The following ACTL6B variants were observed in gnomAD, a reference collection of about 807,000 sequenced individuals.
ACTL6B encodes the protein actin like 6B.
A neutral mutation model predicts 63.3 loss-of-function variants in ACTL6B; 48 were observed. That is an observed-to-expected ratio of 0.76 (90% CI 0.60 to 0.96). ACTL6B has a LOEUF of 0.96. ACTL6B is among the 50% of genes least tolerant of loss of function. The pLI is 0.00. For synonymous variants in ACTL6B, 230 were observed against 223.8 expected (o/e 1.03, Z -0.25); for missense variants, 350 against 572.2 (o/e 0.61, Z 3.96).
In ACTL6B at chr7:100,646,250, A is replaced by G; in HGVS notation, c.1199T>C (p.Leu400Pro). 1 of 1,613,784 alleles carries G rather than the reference A, an allele frequency of 6.2e-7. No homozygotes were observed. The highest frequency in any genetic ancestry group is 8.5e-7 in the Non-Finnish European group (1 of 1,179,842). The change falls in exon 13 of 14, where the codon CTG becomes CCG. Residue 400 changes from leucine (L) to proline (P), a missense_variant and splice_region_variant. Leu to Pro is a moderately conservative substitution (Grantham distance 98). Transcript: ENST00000160382. The surrounding 1 kb of genome is among the most constrained non-coding windows in gnomAD (Gnocchi z 6.1). ...PWIGGSILAS[L>P]GTFQQMWISK... Reference sequence around the variant, plus strand: ...TAGGCCAGGTCCCTTTCCTCTCACCAGTGAGGCCAGGATGGAACCCCCGAT... The same window carrying G: ...TAGGCCAGGTCCCTTTCCTCTCACCGGTGAGGCCAGGATGGAACCCCCGAT...
At position 100,648,679 on chromosome 7, in the gene ACTL6B, G is replaced by C; in HGVS notation, c.563-17C>G. On this transcript the variant is annotated splice_polypyrimidine_tract_variant and intron_variant, in intron 6 of 13. Coordinates refer to ENST00000160382, the MANE Select transcript of ACTL6B (RefSeq NM_016188.5). The surrounding 1 kb of genome is among the most constrained non-coding windows in gnomAD (Gnocchi z 4.4). ...TGACGATGCCTAGAAGGAAGGCACT[G>C]TCAGGACCTGGTCCTCCTGGAGCAC... 5.6e-6 allele frequency: 9 copies of C among 1,613,134 alleles called. No homozygotes were observed. Among genetic ancestry groups the C allele is most frequent in the Non-Finnish European group, 7.6e-6 (9 of 1,179,418 alleles).
Position 100,647,125 on chromosome 7 carries a change from G to GA in ACTL6B, c.822-41dup. On this transcript the variant is annotated intron_variant, in intron 9 of 13. Transcript: ENST00000160382. This position sits in a 1 kb window ranked among gnomAD's most constrained non-coding sequence, Gnocchi z 4.4. ...GCAGGACTCTGCCTGGGGTGCTCAA[G>GA]AAGGATCAGTGCGTGGGCAGCACCA... The GA allele has an allele frequency of 6.2e-7, 1 of 1,612,322 alleles. No homozygotes were observed. The highest frequency in any genetic ancestry group is 1.7e-4 in the Middle Eastern group (1 of 6,060).
intron 4 of ACTL6B, among the ~76,000 whole-genome samples, chr7:100,652,181 G>A (rs530383647): frequency 1.5e-4 from 23 of 152,150 alleles, no homozygotes; most frequent in Non-Finnish European, 2.8e-4. Flanking sequence ...GGCGGATCGC[G>A]AGGTCAGGAG....
At chr7:100,645,023 T>A (rs774943184) in intron 13 of ACTL6B, among the ~76,000 whole-genome samples, 9 of 151,972 alleles carry the variant, frequency 5.9e-5, no homozygotes, top group Non-Finnish European at 1.2e-4. Context: ...TCCACTGCAC[T>A]CCAGCCTGGG....
In ACTL6B at chr7:100,643,176, G is replaced by T. The variant is rs548491342; in HGVS notation, c.*70C>A. The T allele has an allele frequency of 6.5e-5, 89 of 1,363,656 alleles. 1 individual carries two copies. The South Asian group carries it at 9.7e-4, about 15-fold the overall frequency. 84.5% of individuals were successfully genotyped at this position (1,363,656 alleles called of 1,614,324 possible). A position where few individuals can be genotyped will look rare whatever the true frequency, so the allele number is the denominator to read the frequency against. Reference sequence around the variant, plus strand: ...GAGGACAAGAGGGAAAGGAGGAGGGGGGCAATGTGGCATGGGGGTTAAGGG... The same window carrying T: ...GAGGACAAGAGGGAAAGGAGGAGGGTGGCAATGTGGCATGGGGGTTAAGGG... On this transcript the variant is annotated 3_prime_UTR_variant, in exon 14 of 14. Transcript: ENST00000160382.
Position 100,647,686 on chromosome 7 carries a change from GGAGA to G in ACTL6B, c.670-157_670-154del, listed in dbSNP as rs1410406024. ...GTTTCTCACCCTTCCCTGATGGAGA[GGAGA>G]GAGAATGGGGCATGCCTCTCTCTCC... On this transcript the variant is annotated intron_variant, in intron 7 of 13. Transcript: ENST00000160382. This position sits in a 1 kb window ranked among gnomAD's most constrained non-coding sequence, Gnocchi z 4.4. The G allele has an allele frequency of 1.7e-6, 1 of 602,642 alleles. No homozygotes were observed. Among genetic ancestry groups the G allele is most frequent in the Non-Finnish European group, 2.9e-6 (1 of 342,022 alleles). The allele number at this position is 602,642 out of a possible 1,614,324, so 37.3% of individuals were successfully genotyped here. A position where few individuals can be genotyped will look rare whatever the true frequency, so the allele number is the denominator to read the frequency against.
chr7:100,643,867 A>AT (rs1803769218), intron 13 of ACTL6B, among the ~76,000 whole-genome samples: 1 of 151,586 alleles, frequency 6.6e-6, no homozygotes, highest in African/African-American at 2.4e-5. Flanking sequence ...CCTTCTCTCT[A>AT]TTTTTTTAAA....
chr7:100,654,916 G>A, intron 4 of ACTL6B, 103 bp downstream of exon 4: 1 of 958,032 alleles, frequency 1.0e-6, no homozygotes, highest in Non-Finnish European at 1.6e-6. Flanking sequence ...GGGAAGGGAA[G>A]TGGCTCAGAG....
chr7:100,650,321 T>TGC (rs1194031947), intron 4 of ACTL6B, among the ~76,000 whole-genome samples, 186 bp from the exon 5 acceptor site: 1 of 150,094 alleles, frequency 6.7e-6, no homozygotes, highest in African/African-American at 2.5e-5. Flanking sequence ...TGCATTCACT[T>TGC]GCACACACAC....
At chr7:100,652,798 C>T (rs1039208024) in intron 4 of ACTL6B, among the ~76,000 whole-genome samples, 3 of 149,992 alleles carry the variant, frequency 2.0e-5, no homozygotes, top group East Asian at 4.0e-4. Flanking sequence ...GTCAAGAGAT[C>T]GAGACCATCC....
At position 100,648,616 on chromosome 7, in the gene ACTL6B, G is replaced by A. The variant is rs1054199204; in HGVS notation, c.609C>T (p.Cys203=). 10 of 1,612,890 alleles carry A rather than the reference G, an allele frequency of 6.2e-6. No homozygotes were observed. Among genetic ancestry groups the A allele is most frequent in the Non-Finnish European group, 8.5e-6 (10 of 1,179,432 alleles). The part of the protein sequence containing the change: ...PLAGDFISMQ[C]RELFQEMAID... ...TGGCCATCTCCTGGAACAGCTCCCGGCACTGCATGGAGATGAAGTCCCCTG... is the reference window on the plus strand; with the variant it reads ...TGGCCATCTCCTGGAACAGCTCCCGACACTGCATGGAGATGAAGTCCCCTG... The change falls in exon 7 of 14, where the codon TGC becomes TGT. Residue 203 remains cysteine (C), a synonymous_variant. Transcript: ENST00000160382. This position sits in a 1 kb window ranked among gnomAD's most constrained non-coding sequence, Gnocchi z 4.4.
At chr7:100,652,412 A>G (rs1383365608) in intron 4 of ACTL6B, among the ~76,000 whole-genome samples, 2 of 138,712 alleles carry the variant, frequency 1.4e-5, no homozygotes, top group African/African-American at 2.7e-5. Flanking sequence ...ACAGAGTGAG[A>G]CTCCATCTCA....
intron 4 of ACTL6B, among the ~76,000 whole-genome samples, chr7:100,653,250 C>T (rs1803975960): frequency 6.6e-6 from 1 of 151,974 alleles, no homozygotes; most frequent in East Asian, 1.9e-4. Flanking sequence ...AGTTTGAAGC[C>T]AGCCTGGGCA....
Position 100,655,569 on chromosome 7 carries a change from T to C in ACTL6B, c.120A>G (p.Thr40=), listed in dbSNP as rs770052622. The part of the protein sequence containing the change: ...EDCPKADFPT[T]VGLLAAEEGG... ...CCTCCTCCGCGGCCAGCAGCCCCAC[T>C]GTGGTGGGGAAGTCAGCCTGGTGGG... The change falls in exon 3 of 14, where the codon ACA becomes ACG. Residue 40 remains threonine, a synonymous_variant. Transcript: ENST00000160382. The surrounding 1 kb of genome is among the most constrained non-coding windows in gnomAD (Gnocchi z 4.4). The C allele has an allele frequency of 6.2e-7, 1 of 1,613,164 alleles. No individual in the cohort carries two copies. The highest frequency in any genetic ancestry group is 8.5e-7 in the Non-Finnish European group (1 of 1,179,538).
At position 100,648,505 on chromosome 7, in the gene ACTL6B, G is replaced by A. The variant is rs772005464; in HGVS notation, c.669+51C>T. On this transcript the variant is annotated intron_variant, in intron 7 of 13. Transcript: ENST00000160382. The surrounding 1 kb of genome is among the most constrained non-coding windows in gnomAD (Gnocchi z 4.4). ...ATGTGTCAGAGGGTTGACGGCCATG[G>A]GGCGAGTGGCCAGGACTCTAGTGGC... is the stretch of plus-strand genomic sequence containing the variant. The A allele has an allele frequency of 1.4e-6, 2 of 1,464,136 alleles. No individual in the cohort carries two copies. The highest frequency in any genetic ancestry group is 1.8e-6 in the Non-Finnish European group (2 of 1,084,652). The allele number at this position is 1,464,136 out of a possible 1,614,324, so 90.7% of individuals were successfully genotyped here. A position where few individuals can be genotyped will look rare whatever the true frequency, so the allele number is the denominator to read the frequency against.
At chr7:100,643,438 ATCCC>A in intron 13 of ACTL6B, 112 bp from the exon 14 acceptor site, 1 of 1,032,166 alleles carries the variant, frequency 9.7e-7, no homozygotes, top group Non-Finnish European at 1.5e-6. Context: ...TTGGGTTCAC[ATCCC>A]TCTGAAGCCC....
intron 4 of ACTL6B, among the ~76,000 whole-genome samples, chr7:100,651,062 G>C (rs1449265955): frequency 6.6e-6 from 1 of 152,088 alleles, no homozygotes; most frequent in Non-Finnish European, 1.5e-5. Context: ...TTACATCAGA[G>C]GATCAGAAAT....
intron 4 of ACTL6B, among the ~76,000 whole-genome samples, chr7:100,651,179 T>C (rs1487688994): frequency 6.6e-6 from 1 of 151,922 alleles, no homozygotes; most frequent in Non-Finnish European, 1.5e-5. Flanking sequence ...TGGCATGGGA[T>C]ACCTAGCTAA....
In ACTL6B at chr7:100,656,320, G is replaced by T; in HGVS notation, c.25+10C>A. ...GGGCTGCGGGAGCCGGGGGCCCGAG[G>T]CTCGCTCACCTCCGCCGTAGACGCC... On this transcript the variant is annotated intron_variant, in intron 1 of 13. Coordinates refer to ENST00000160382, the MANE Select transcript of ACTL6B (RefSeq NM_016188.5). 1 of 1,385,628 alleles carries T rather than the reference G, an allele frequency of 7.2e-7. No individual in the cohort carries two copies. The allele number at this position is 1,385,628 out of a possible 1,614,324, so 85.8% of individuals were successfully genotyped here.
Sources: gnomAD v4.1 joint callset for allele counts (sites outside exome capture counted in the v4.1 genomes callset) on GRCh38, gnomAD v4.1.1 for gene constraint, Gnocchi (gnomAD v3.1) non-coding constraint, MANE v1.5 for transcripts, NCBI Gene and HGNC (gene_info 2026-07-23, HGNC 2026-07-21) for gene names.